The following ZZEF1 variants were observed in gnomAD, a reference collection of about 807,000 sequenced individuals.
The protein encoded by ZZEF1 is zinc finger ZZ-type and EF-hand domain-containing protein 1.
A neutral mutation model predicts 342.8 loss-of-function variants in ZZEF1; 157 were observed. That is an observed-to-expected ratio of 0.46 (90% CI 0.40 to 0.52). The LOEUF (loss-of-function observed/expected upper bound fraction) is 0.52, where lower values mean the gene tolerates loss of function less well. Among genes scored for constraint, ZZEF1 ranks in the 20% least tolerant of loss-of-function variants. The pLI is 0.00. For missense variants in ZZEF1, 3,480 were observed against 3,725.6 expected, an observed-to-expected ratio of 0.93 and a Z score of 1.72; for synonymous variants, 1,505 against 1,429.1, an observed-to-expected ratio of 1.05 and a Z score of -1.20.
chr17:4,075,505 C>G, intron 21 of ZZEF1, 76 bp from the exon 22 acceptor site: 1 of 1,526,768 alleles, frequency 6.5e-7, no homozygotes, highest in Non-Finnish European at 8.8e-7. Context: ...GACTGTTTCT[C>G]TATCAGTGCT....
At chr17:4,055,230 A>C (rs1273336227) in intron 33 of ZZEF1, among the ~76,000 whole-genome samples, 1 of 152,216 alleles carries the variant, frequency 6.6e-6, no homozygotes, top group Non-Finnish European at 1.5e-5. Context: ...AAGTCACCTT[A>C]CAACTACAGA....
intron 32 of ZZEF1, 109 bp from the exon 33 acceptor site, chr17:4,056,454 C>T (rs1019760563): frequency 8.5e-7 from 1 of 1,174,398 alleles, no homozygotes; most frequent in African/African-American, 1.6e-5. Context: ...CATTTTTCAA[C>T]TTCTGAGAGG....
intron 5 of ZZEF1, among the ~76,000 whole-genome samples, chr17:4,110,709 C>CCT (rs1555608914): frequency 1.6e-5 from 2 of 127,042 alleles, no homozygotes; most frequent in African/African-American, 2.9e-5. Context: ...AAAATTACGG[C>CCT]TTTTTTTTTT....
At chr17:4,067,973 G>A (rs1255543902) in intron 26 of ZZEF1, among the ~76,000 whole-genome samples, 1 of 152,158 alleles carries the variant, frequency 6.6e-6, no homozygotes, top group Admixed American at 6.5e-5. Flanking sequence ...AGCTACTAGG[G>A]AGGCTGAGGT....
At chr17:4,033,924 A>T (rs1567779279) in intron 40 of ZZEF1, 91 bp downstream of exon 40, 1 of 1,528,002 alleles carries the variant, frequency 6.5e-7, no homozygotes, top group East Asian at 2.3e-5. Flanking sequence ...AGCACACCGA[A>T]ATTAATCAAC....
chr17:4,051,238 C>A lies in ZZEF1; in HGVS notation c.5601-195G>T, dbSNP rs530758957. ...TGAAGAAACACAAACACAGAACATG[C>A]CTTTCAGGGTTTCACAATCCCCAGA... On this transcript the variant is annotated intron_variant, in intron 35 of 54. Coordinates refer to ENST00000381638, the MANE Select transcript of ZZEF1 (RefSeq NM_015113.4). 1.2e-3 allele frequency among the ~76,000 whole-genome samples: 184 copies of A among 152,206 alleles called. 1 individual carries two copies. The highest frequency in any genetic ancestry group is 1.9e-4 in the Non-Finnish European group (13 of 68,014).
intron 2 of ZZEF1, among the ~76,000 whole-genome samples, chr17:4,118,538 G>A (rs1466792666): frequency 1.3e-5 from 2 of 152,162 alleles, no homozygotes; most frequent in Non-Finnish European, 2.9e-5. Flanking sequence ...AAGCGGCAGA[G>A]CAGCTTGCAC....
intron 52 of ZZEF1, among the ~76,000 whole-genome samples, chr17:4,011,377 C>T (rs2055949715): frequency 6.6e-6 from 1 of 151,574 alleles, no homozygotes; most frequent in Non-Finnish European, 1.5e-5. Flanking sequence ...GCACTCCAGC[C>T]TGGGCGAAAG....
intron 1 of ZZEF1, among the ~76,000 whole-genome samples, chr17:4,136,553 A>G (rs2058752198): frequency 1.3e-5 from 2 of 152,148 alleles, no homozygotes; most frequent in South Asian, 4.1e-4. Context: ...GCTCACAAGC[A>G]GGCTGGCTCG....
At chr17:4,095,757 G>A in intron 11 of ZZEF1, 74 bp downstream of exon 11, 1 of 1,482,824 alleles carries the variant, frequency 6.7e-7, no homozygotes, top group African/African-American at 1.4e-5. Flanking sequence ...CAATGAGCAT[G>A]AATACATTCT....
chr17:4,086,475 C>T lies in ZZEF1; in HGVS notation c.2512+11G>A. Reference sequence around the variant, plus strand: ...ACAGGGTTGTATTAAAGAGAAAACCCAAATCCCTACCATCACACAAGTGTG... The same window carrying T: ...ACAGGGTTGTATTAAAGAGAAAACCTAAATCCCTACCATCACACAAGTGTG... On this transcript the variant is annotated intron_variant, in intron 15 of 54. Transcript: ENST00000381638. 1 of 1,613,902 alleles carries T rather than the reference C, an allele frequency of 6.2e-7. No homozygotes were observed. The highest frequency in any genetic ancestry group is 1.3e-5 in the African/African-American group (1 of 75,018).
chr17:4,126,971 A>G (rs1363949307), intron 1 of ZZEF1, among the ~76,000 whole-genome samples: 2 of 152,146 alleles, frequency 1.3e-5, no homozygotes, highest in East Asian at 1.9e-4. Context: ...TGTCTCAACA[A>G]CAAACACAAA....
Position 4,127,008 on chromosome 17 carries a change from A to ATT in ZZEF1, c.355-2959_355-2958dup, listed in dbSNP as rs113010631. Among the ~76,000 whole-genome samples the ATT allele has an allele frequency of 2.2e-4, 31 of 142,714 alleles. 1 individual carries two copies. Among genetic ancestry groups the ATT allele is most frequent in the African/African-American group, 5.4e-4 (21 of 39,048 alleles). The allele number at this position is 142,714 out of a possible 152,430, so 93.6% of individuals were successfully genotyped here. ...CAAAACAAAAAGCAGAACTGACTGGATTTTTTTTTTTTTTTTGAGAAAACA... is the reference window on the plus strand; with the variant it reads ...CAAAACAAAAAGCAGAACTGACTGGATTTTTTTTTTTTTTTTTTGAGAAAACA... On this transcript the variant is annotated intron_variant, in intron 1 of 54. Coordinates refer to ENST00000381638, the MANE Select transcript of ZZEF1 (RefSeq NM_015113.4).
chr17:4,112,032 A>G (rs2058312024), intron 5 of ZZEF1, among the ~76,000 whole-genome samples: 1 of 48,124 alleles, frequency 2.1e-5, no homozygotes, highest in African/African-American at 7.4e-5. Context: ...GATCCTGTCT[A>G]AATATATATA....
At chr17:4,069,878 C>T (rs1305995676) in intron 26 of ZZEF1, among the ~76,000 whole-genome samples, 1 of 152,168 alleles carries the variant, frequency 6.6e-6, no homozygotes, top group Non-Finnish European at 1.5e-5. Context: ...CAATTACCCA[C>T]TCTAGTGGAA....
intron 30 of ZZEF1, among the ~76,000 whole-genome samples, chr17:4,061,940 C>T (rs969887305): frequency 1.3e-5 from 2 of 152,224 alleles, no homozygotes; most frequent in African/African-American, 2.4e-5. Flanking sequence ...AAATATAAAA[C>T]AAAGTGTGAT....
At chr17:4,124,240 T>C (rs7214951) in intron 1 of ZZEF1, among the ~76,000 whole-genome samples, 189 bp from the exon 2 acceptor site, 139,255 of 152,080 alleles carry the variant, frequency 0.92, 65,043 homozygotes, top group East Asian at 1. Flanking sequence ...GATGTATGTA[T>C]GCAAGTACAC....
chr17:4,114,518 GA>G (rs752301515), intron 3 of ZZEF1, 48 bp from the exon 4 acceptor site: 22 of 1,354,180 alleles, frequency 1.6e-5, no homozygotes, highest in South Asian at 1.2e-4. Context: ...TTCACAAAGG[GA>G]AAAAAAAGAG....
At chr17:4,029,344 C>A (rs2056485176) in intron 42 of ZZEF1, among the ~76,000 whole-genome samples, 1 of 150,798 alleles carries the variant, frequency 6.6e-6, no homozygotes, top group South Asian at 2.1e-4. Context: ...TATTAAGAAA[C>A]TAAACATCAA....
Sources: allele counts gnomAD v4.1 joint callset (sites outside exome capture counted in the v4.1 genomes callset), GRCh38; gene constraint gnomAD v4.1.1; transcripts MANE v1.5; gene names NCBI Gene and HGNC (gene_info 2026-07-23, HGNC 2026-07-21).